The following NTM variants were observed in gnomAD, a reference collection of about 807,000 sequenced individuals.
NTM encodes neurotrimin, also known as IgLON family member 2.
A neutral mutation model predicts 42.1 loss-of-function variants in NTM; 13 were observed. The observed-to-expected ratio is 0.31, with a 90% CI of 0.20 to 0.49. The LOEUF (loss-of-function observed/expected upper bound fraction) is 0.49. Among genes scored for constraint, NTM ranks in the 20% least tolerant of loss-of-function variants. The pLI is 0.99. For missense variants in NTM, 373 were observed against 452.8 expected, an observed-to-expected ratio of 0.82 and a Z score of 1.60; for synonymous variants, 187 against 179.2, an observed-to-expected ratio of 1.04 and a Z score of -0.35.
chr11:132,170,769 A>G (rs568830553), intron 3 of NTM, among the ~76,000 whole-genome samples: 3 of 152,292 alleles, frequency 2.0e-5, no homozygotes, highest in Admixed American at 2.0e-4. Flanking sequence ...GAAAGCATTC[A>G]ATTTAAAAAA....
intron 2 of NTM, among the ~76,000 whole-genome samples, chr11:131,916,839 A>G (rs1302543112): frequency 1.3e-5 from 2 of 152,196 alleles, no homozygotes; most frequent in Non-Finnish European, 2.9e-5. Context: ...GTGGACACCC[A>G]TAAACACAGC....
intron 2 of NTM, among the ~76,000 whole-genome samples, chr11:132,057,419 G>A (rs1435194933): frequency 6.6e-6 from 1 of 152,188 alleles, no homozygotes; most frequent in Non-Finnish European, 1.5e-5. Flanking sequence ...ATTCAGCTGT[G>A]TGTTTATATT....
In NTM at chr11:132,335,186, C is replaced by A. The variant is rs1178293655; in HGVS notation, c.*40C>A. Reference sequence around the variant, plus strand: ...CCCCACCCGGGAAAGGCTGCCGCCACCACCACCACCAACACAACAGCAATG... The same window carrying A: ...CCCCACCCGGGAAAGGCTGCCGCCAACACCACCACCAACACAACAGCAATG... On this transcript the variant is annotated 3_prime_UTR_variant, in exon 9 of 9. Coordinates refer to ENST00000683400, the MANE Select transcript of NTM (RefSeq NM_001352005.2). 6.2e-7 allele frequency: 1 copy of A among 1,606,754 alleles called. No homozygotes were observed. The highest frequency in any genetic ancestry group is 8.5e-7 in the Non-Finnish European group (1 of 1,177,996).
intron 4 of NTM, among the ~76,000 whole-genome samples, chr11:132,227,773 G>T (rs745679621): frequency 2.0e-5 from 3 of 152,178 alleles, no homozygotes; most frequent in African/African-American, 4.8e-5. Flanking sequence ...CTGACACTAG[G>T]TGCTTTGTCT....
At chr11:132,077,373 A>G (rs970761655) in intron 2 of NTM, among the ~76,000 whole-genome samples, 2 of 152,250 alleles carry the variant, frequency 1.3e-5, no homozygotes, top group African/African-American at 4.8e-5. Context: ...GAAGATCTCA[A>G]TAAAAGTTTG....
chr11:132,015,633 ATATTTTATTTTATTTTATTT>A (rs151321359), intron 2 of NTM, among the ~76,000 whole-genome samples: 2 of 143,078 alleles, frequency 1.4e-5, no homozygotes, highest in African/African-American at 5.1e-5. Flanking sequence ...TTATTCTTAG[ATATTTTATTTTATTTTATTT>A]TATTTTATTT....
chr11:131,720,823 G>A (rs1436040590), intron 1 of NTM, among the ~76,000 whole-genome samples: 3 of 152,114 alleles, frequency 2.0e-5, no homozygotes, highest in Admixed American at 1.3e-4. Context: ...AAATTACCTA[G>A]CCTCTCTCTG....
intron 4 of NTM, chr11:132,306,260 C>T (rs1377962134): frequency 6.6e-6 from 1 of 152,192 alleles, no homozygotes; most frequent in Non-Finnish European, 1.5e-5. Flanking sequence ...TTACATACCG[C>T]ACACATCATC....
At chr11:131,650,928 T>C (rs2066402899) in intron 1 of NTM, among the ~76,000 whole-genome samples, 1 of 152,254 alleles carries the variant, frequency 6.6e-6, no homozygotes, top group Admixed American at 6.5e-5. Context: ...TAGATACTAT[T>C]AATCTTCAAT....
intron 2 of NTM, among the ~76,000 whole-genome samples, chr11:132,114,905 C>T (rs1368204283): frequency 1.3e-5 from 2 of 152,282 alleles, no homozygotes; most frequent in East Asian, 1.9e-4. Context: ...CTGCAGTGAA[C>T]ATGGGAGTGA....
At chr11:131,768,118 CTTATT>C (rs1279281028) in intron 1 of NTM, among the ~76,000 whole-genome samples, 3 of 122,134 alleles carry the variant, frequency 2.5e-5, no homozygotes, top group South Asian at 2.9e-4. Flanking sequence ...CTTGCAAAAA[CTTATT>C]TTTTTTTTTT....
At chr11:132,127,251 C>T (rs1029681121) in intron 2 of NTM, among the ~76,000 whole-genome samples, 1 of 152,144 alleles carries the variant, frequency 6.6e-6, no homozygotes, top group African/African-American at 2.4e-5. Context: ...TAAAGCAACC[C>T]GAACCCAAAA....
At position 132,270,986 on chromosome 11, in the gene NTM, G is replaced by A. The variant is rs79679700; in HGVS notation, c.527-36703G>A. 8.7e-3 allele frequency among the ~76,000 whole-genome samples: 1,323 copies of A among 152,140 alleles called. 16 individuals carry two copies. Among genetic ancestry groups the A allele is most frequent in the East Asian group, 0.029 (150 of 5,170 alleles). ...ATATTTAAAAGTTATACAACTACCCGTTTATTGTTGTGCAATACAATCAAT... is the reference window on the plus strand; with the variant it reads ...ATATTTAAAAGTTATACAACTACCCATTTATTGTTGTGCAATACAATCAAT... On this transcript the variant is annotated intron_variant, in intron 4 of 8. Transcript: ENST00000683400.
chr11:132,245,365 G>A (rs916675651), intron 4 of NTM, among the ~76,000 whole-genome samples: 6 of 152,142 alleles, frequency 3.9e-5, no homozygotes, highest in African/African-American at 9.7e-5. Context: ...CAAGTGCAGA[G>A]TAGAGAAGTG....
At chr11:131,795,050 A>G (rs1269288670) in intron 1 of NTM, 8 of 860,312 alleles carry the variant, frequency 9.3e-6, no homozygotes, top group African/African-American at 1.8e-5. Flanking sequence ...GGGGGGGAAA[A>G]AAACAGCACT....
At chr11:132,222,085 CTG>C (rs2085280470) in intron 4 of NTM, among the ~76,000 whole-genome samples, 1 of 152,170 alleles carries the variant, frequency 6.6e-6, no homozygotes, top group Non-Finnish European at 1.5e-5. Context: ...CCAGGCTCTG[CTG>C]TGTGCCAGGT....
intron 1 of NTM, among the ~76,000 whole-genome samples, chr11:131,753,134 G>A (rs1316966172): frequency 6.6e-6 from 1 of 152,022 alleles, no homozygotes; most frequent in Admixed American, 6.5e-5. Context: ...AAAAACACAT[G>A]AAAAAATGCT....
chr11:131,985,821 A>G (rs2065978093), intron 2 of NTM, among the ~76,000 whole-genome samples: 1 of 152,086 alleles, frequency 6.6e-6, no homozygotes, highest in Admixed American at 6.6e-5. Flanking sequence ...GCAGCAACCA[A>G]TCTCTCTTAC....
intron 1 of NTM, among the ~76,000 whole-genome samples, chr11:131,454,621 T>C (rs1314693565): frequency 1.3e-5 from 2 of 152,024 alleles, no homozygotes; most frequent in African/African-American, 4.8e-5. Flanking sequence ...CTTATATCCA[T>C]CCCACAAAGC....
Sources: allele counts gnomAD v4.1 joint callset (sites outside exome capture counted in the v4.1 genomes callset), GRCh38; gene constraint gnomAD v4.1.1; transcripts MANE v1.5; gene names NCBI Gene and HGNC (gene_info 2026-07-23, HGNC 2026-07-21).